DIP2C: variants seen among roughly 807,000 people sequenced by gnomAD.
The protein encoded by DIP2C is DIP2 acetate--CoA ligase C (putative).
Under a neutral mutation model 192.4 loss-of-function variants are expected in DIP2C, and 33 were observed. That is an observed-to-expected ratio of 0.17 (90% CI 0.13 to 0.23). The LOEUF (loss-of-function observed/expected upper bound fraction) is 0.23. Ranked by LOEUF, DIP2C falls within the 10% of genes least tolerant of loss-of-function variation. The pLI is 1.00. For missense variants in DIP2C, 1,537 were observed against 2,110.1 expected, an observed-to-expected ratio of 0.73 and a Z score of 5.32; for synonymous variants, 979 against 864.1, an observed-to-expected ratio of 1.13 and a Z score of -2.33.
intron 26 of DIP2C, 77 bp from the exon 27 acceptor site, chr10:345,187 C>G (rs1272579212): frequency 7.6e-7 from 1 of 1,322,372 alleles, no homozygotes; most frequent in Non-Finnish European, 1.1e-6. Flanking sequence ...GGGTCTCCTG[C>G]TTACTACATA....
chr10:348,745 C>T lies in DIP2C; in HGVS notation c.3127G>A (p.Ala1043Thr). The T allele has an allele frequency of 6.2e-7, 1 of 1,613,704 alleles. No homozygotes were observed. The highest frequency in any genetic ancestry group is 8.5e-7 in the Non-Finnish European group (1 of 1,179,892). Residue 1043 changes from alanine to threonine, a missense_variant, in exon 26 of 37, where the codon GCG becomes ACG. Coordinates refer to ENST00000280886, the MANE Select transcript of DIP2C (RefSeq NM_014974.3). ...CCTGCGTACAGGCAACCATAAAACG[C>T]TGCTATCAGGTCTATTCCTACACAA... ...VYPPGIDLIA[A>T]FYGCLYAGCV...
chr10:311,696 G>A, intron 31 of DIP2C: 2 of 664,846 alleles, frequency 3.0e-6, no homozygotes, highest in Non-Finnish European at 4.3e-6. Context: ...GGAGGGGTGG[G>A]GAGGAGAATG....
intron 1 of DIP2C, among the ~76,000 whole-genome samples, chr10:602,899 C>A (rs1852188510): frequency 6.6e-6 from 1 of 152,148 alleles, no homozygotes; most frequent in Non-Finnish European, 1.5e-5. Context: ...CTCGTCTAAG[C>A]TTCAGTCTCC....
rs560879761 is a variant in DIP2C at position 396,003 on chromosome 10, G to A, written c.1260+3106C>T. On this transcript the variant is annotated intron_variant, in intron 10 of 36. Coordinates refer to ENST00000280886, the MANE Select transcript of DIP2C (RefSeq NM_014974.3). ...GGACCCTGCCCTGTGCACAGTGAACGTGCAGCCTCTACTCGGGTACAAGGG... is the reference window on the plus strand; with the variant it reads ...GGACCCTGCCCTGTGCACAGTGAACATGCAGCCTCTACTCGGGTACAAGGG... Among the ~76,000 whole-genome samples, 312 of 152,228 alleles carry A rather than the reference G, an allele frequency of 2.0e-3. 1 individual carries two copies. The highest frequency in any genetic ancestry group is 0.014 in the Middle Eastern group (4 of 294).
intron 1 of DIP2C, among the ~76,000 whole-genome samples, chr10:519,221 C>T (rs530879944): frequency 7.9e-5 from 12 of 152,304 alleles, no homozygotes; most frequent in South Asian, 6.2e-4. Flanking sequence ...CTAGCTGCCC[C>T]GGCCACACCA....
intron 16 of DIP2C, among the ~76,000 whole-genome samples, chr10:383,258 A>G (rs889945976): frequency 2.6e-5 from 4 of 152,268 alleles, no homozygotes; most frequent in Admixed American, 6.5e-5. Context: ...ATGAAATTCT[A>G]TAAGTGAAGA....
chr10:668,093 A>G (rs1857217985), intron 1 of DIP2C: 1 of 152,212 alleles, frequency 6.6e-6, no homozygotes, highest in Admixed American at 6.6e-5. Context: ...AACACATGCA[A>G]CTCACGCACA....
rs367720606 is a variant in DIP2C, at chr10:418,144, C to T, written c.739+921G>A. The stretch of plus-strand genomic sequence containing the variant: ...TCGGATAGGCCTCCCTGTCCACCTG[C>T]ACCTGTCAGAGCTCGGACAGGCCTC... On this transcript the variant is annotated intron_variant, in intron 6 of 36. Transcript: ENST00000280886. 5.3e-3 allele frequency among the ~76,000 whole-genome samples: 176 copies of T among 33,414 alleles called. 1 individual carries two copies. The highest frequency in any genetic ancestry group is 0.028 in the Middle Eastern group (2 of 72). 21.9% of individuals were successfully genotyped at this position (33,414 alleles called of 152,430 possible). A position where few individuals can be genotyped will look rare whatever the true frequency, so the allele number is the denominator to read the frequency against.
At chr10:379,321 T>C (rs939668453) in intron 17 of DIP2C, among the ~76,000 whole-genome samples, 1 of 151,478 alleles carries the variant, frequency 6.6e-6, no homozygotes, top group Non-Finnish European at 1.5e-5. Context: ...ATCCTGCGTA[T>C]TTATCAAGCG....
intron 2 of DIP2C, among the ~76,000 whole-genome samples, chr10:480,148 C>T (rs1433195264): frequency 6.6e-6 from 1 of 151,262 alleles, no homozygotes; most frequent in Non-Finnish European, 1.5e-5. Flanking sequence ...GGTCCATACT[C>T]ACTGGATGAG....
chr10:660,525 G>A (rs1362305879), intron 1 of DIP2C, among the ~76,000 whole-genome samples: 1 of 152,184 alleles, frequency 6.6e-6, no homozygotes, highest in Non-Finnish European at 1.5e-5. Flanking sequence ...ACAGATTCTA[G>A]CTCTTGTCCC....
At chr10:522,009 G>C (rs764294900) in intron 1 of DIP2C, among the ~76,000 whole-genome samples, 4 of 152,012 alleles carry the variant, frequency 2.6e-5, no homozygotes, top group Non-Finnish European at 5.9e-5. Flanking sequence ...CACAGACGTG[G>C]AACAGCATGG....
chr10:413,217 G>T (rs1311616961), intron 8 of DIP2C, among the ~76,000 whole-genome samples: 3 of 152,090 alleles, frequency 2.0e-5, no homozygotes, highest in Non-Finnish European at 4.4e-5. Context: ...CTTATCCACA[G>T]AAAAAAGAGA....
At position 472,519 on chromosome 10, in the gene DIP2C, C is replaced by T. The variant is rs539130064; in HGVS notation, c.188G>A (p.Arg63Gln). 5.6e-6 allele frequency: 9 copies of T among 1,614,150 alleles called. No homozygotes were observed. The highest frequency in any genetic ancestry group is 1.6e-4 in the Middle Eastern group (1 of 6,062). Reference sequence around the variant, plus strand: ...GGCGGAGGAAGGAGTGACAGGAGCCCGGCGTTCTTGCGGCAAAGCTTGGTC... The same window carrying T: ...GGCGGAGGAAGGAGTGACAGGAGCCTGGCGTTCTTGCGGCAAAGCTTGGTC... ...RVDQALPQER[R>Q]APVTPSSASR... Residue 63 changes from arginine to glutamine, a missense_variant, in exon 3 of 37, where the codon CGG (arginine) becomes CAG (glutamine). Arg to Gln is a conservative substitution (Grantham distance 43). Around this residue, in one of 4 missense-constraint regions of DIP2C, gnomAD observed 473 missense variants for 539.6 expected, o/e 0.88. Transcript: ENST00000280886.
At chr10:351,423 C>A (rs373783649) in intron 24 of DIP2C, among the ~76,000 whole-genome samples, 1 of 152,164 alleles carries the variant, frequency 6.6e-6, no homozygotes, top group African/African-American at 2.4e-5. Context: ...AGGACCTCTG[C>A]GCCAGGGCCA....
At chr10:443,961 G>A (rs899952246) in intron 3 of DIP2C, among the ~76,000 whole-genome samples, 26 of 152,286 alleles carry the variant, frequency 1.7e-4, no homozygotes, top group African/African-American at 5.5e-4. Context: ...TTTGATAAGT[G>A]GAAATCTACC....
At chr10:474,122 A>T (rs1321538364) in intron 2 of DIP2C, among the ~76,000 whole-genome samples, 1 of 152,202 alleles carries the variant, frequency 6.6e-6, no homozygotes, top group Admixed American at 6.5e-5. Flanking sequence ...TTTATCAAAC[A>T]GATGCATTTT....
At chr10:465,980 T>C (rs1373684583) in intron 3 of DIP2C, among the ~76,000 whole-genome samples, 1 of 152,130 alleles carries the variant, frequency 6.6e-6, no homozygotes, top group Non-Finnish European at 1.5e-5. Context: ...GATTTACAGA[T>C]TCAATGACAT....
intron 19 of DIP2C, chr10:365,107 G>GA (rs1960033694): frequency 2.2e-6 from 1 of 451,252 alleles, no homozygotes. Flanking sequence ...ATAAACCAGA[G>GA]AAACGGAGAT....
Sources: gnomAD v4.1 joint callset for allele counts (sites outside exome capture counted in the v4.1 genomes callset) on GRCh38, gnomAD v4.1.1 for gene constraint, gnomAD v4.1.1 regional missense constraint, MANE v1.5 for transcripts, NCBI Gene and HGNC (gene_info 2026-07-23, HGNC 2026-07-21) for gene names.